The following ACSM3 variants were observed in gnomAD, a reference collection of about 807,000 sequenced individuals.
ACSM3 encodes acyl-CoA synthetase medium chain family member 3, also known as acyl-coenzyme A synthetase ACSM3, mitochondrial.
ACSM3 carries 61 observed loss-of-function variants against 74.1 expected under a neutral mutation model. The observed-to-expected ratio is 0.82, with a 90% CI of 0.67 to 1.02. ACSM3 has a LOEUF of 1.02. ACSM3 is among the 50% of genes least tolerant of loss of function. The pLI is 0.00. For missense variants in ACSM3, 660 were observed against 697.0 expected, an observed-to-expected ratio of 0.95 and a Z score of 0.60; for synonymous variants, 213 against 241.5, an observed-to-expected ratio of 0.88 and a Z score of 1.09.
In ACSM3 at chr16:20,690,951, T is replaced by C. The variant is rs555306184; in HGVS notation, c.-190+16129T>C. The C allele has an allele frequency of 3.4e-5, 53 of 1,567,530 alleles. 1 individual carries two copies. The highest frequency in any genetic ancestry group is 1.7e-4 in the Middle Eastern group (1 of 5,936). The stretch of plus-strand genomic sequence containing the variant: ...CCTAGTAGGAGCAAGATAAGGAAAG[T>C]GAGGCCACCCTTGTTCTTATATCGC... On this transcript the variant is annotated intron_variant, in intron 1 of 3. Transcript: ENST00000561584.
chr16:20,742,274 AC>A (rs1428112549), intron 1 of ACSM3, among the ~76,000 whole-genome samples: 1 of 152,080 alleles, frequency 6.6e-6, no homozygotes, highest in Non-Finnish European at 1.5e-5. Context: ...ACAGACAATC[AC>A]AGAAACAAGT....
chr16:20,733,881 T>A (rs910763060), intron 1 of ACSM3: 10 of 152,240 alleles, frequency 6.6e-5, no homozygotes, highest in East Asian at 1.9e-4. Context: ...GCAGTTTTTT[T>A]ATTTTTTTAA....
intron 1 of ACSM3, among the ~76,000 whole-genome samples, chr16:20,730,949 C>T (rs749126839): frequency 1.6e-4 from 24 of 152,170 alleles, no homozygotes; most frequent in Non-Finnish European, 3.2e-4. Context: ...CAACCTCAAA[C>T]TGCTGGGTTC....
chr16:20,764,901 T>C (rs1403949226), intron 1 of ACSM3, among the ~76,000 whole-genome samples: 1 of 152,116 alleles, frequency 6.6e-6, no homozygotes, highest in Non-Finnish European at 1.5e-5. Context: ...CTCCTTTAGG[T>C]GGTCAAGGGC....
At chr16:20,759,335 A>G (rs2080057316), upstream of ACSM3, among the ~76,000 whole-genome samples, 1 of 152,154 alleles carries the variant, frequency 6.6e-6, no homozygotes, top group African/African-American at 2.4e-5. Context: ...AGGTGGGCGG[A>G]TCATGAGGTC....
At chr16:20,684,400 A>G (rs1477830382) in intron 1 of ACSM3, among the ~76,000 whole-genome samples, 1 of 152,230 alleles carries the variant, frequency 6.6e-6, no homozygotes, top group Non-Finnish European at 1.5e-5. Context: ...TGTGAAAACC[A>G]CCTTGCTTAA....
chr16:20,723,770 C>T (rs1199053953), intron 1 of ACSM3, among the ~76,000 whole-genome samples: 1 of 152,104 alleles, frequency 6.6e-6, no homozygotes, highest in East Asian at 1.9e-4. Flanking sequence ...ACTGTAGATT[C>T]TGGATATTAG....
chr16:20,776,314 T>C (rs1289059183), intron 3 of ACSM3, among the ~76,000 whole-genome samples: 1 of 152,224 alleles, frequency 6.6e-6, no homozygotes. Flanking sequence ...GAACCTGTGT[T>C]CTGGTCCTGG....
rs1443432343 is a variant in ACSM3 at position 20,785,019 on chromosome 16, C to T, written c.1055C>T (p.Ala352Val). 1.2e-6 allele frequency: 2 copies of T among 1,613,714 alleles called. No individual in the cohort carries two copies. The highest frequency in any genetic ancestry group is 3.3e-5 in the Admixed American group (2 of 60,004). The change falls in exon 8 of 14, where the codon GCT becomes GTT. Residue 352 changes from alanine to valine, a missense_variant. Ala to Val is a moderately conservative substitution (Grantham distance 64). Transcript: ENST00000289416. Reference protein sequence around the residue: ...KFKSLKHCVSAGEPITPDVTE... With the variant: ...KFKSLKHCVSVGEPITPDVTE... The stretch of plus-strand genomic sequence containing the variant: ...AAAAGCTTAAAGCACTGTGTGAGTG[C>T]TGGGGAACCAATTACCCCTGACGTG...
intron 2 of ACSM3, chr16:20,755,448 A>G (rs2080021566): frequency 6.6e-6 from 1 of 152,100 alleles, no homozygotes; most frequent in African/African-American, 2.4e-5. Flanking sequence ...ATATATCAGC[A>G]AAAAATAGAA....
intron 7 of ACSM3, among the ~76,000 whole-genome samples, chr16:20,784,056 T>C (rs1214904788): frequency 6.6e-6 from 1 of 152,180 alleles, no homozygotes; most frequent in Non-Finnish European, 1.5e-5. Flanking sequence ...TCCGCCCACC[T>C]CTAACTCCCA....
chr16:20,745,840 GAGATGCTCTT>G (rs1162068030), intron 1 of ACSM3, among the ~76,000 whole-genome samples: 1 of 152,140 alleles, frequency 6.6e-6, no homozygotes, highest in Non-Finnish European at 1.5e-5. Flanking sequence ...ACCCAGGTAG[GAGATGCTCTT>G]AGACACTCCT....
chr16:20,681,811 G>C (rs973655745), intron 1 of ACSM3: 1 of 156,008 alleles, frequency 6.4e-6, no homozygotes, highest in African/African-American at 2.4e-5. Context: ...GGAAGAGAAA[G>C]AGGTGGAGTC....
At chr16:20,738,261 G>A (rs2079887979) in intron 1 of ACSM3, 1 of 465,822 alleles carries the variant, frequency 2.1e-6, no homozygotes, top group East Asian at 6.5e-5. Flanking sequence ...ACACCATGCT[G>A]TTGTTTTCCT....
chr16:20,701,715 C>A (rs2079713344), intron 1 of ACSM3, among the ~76,000 whole-genome samples: 1 of 152,074 alleles, frequency 6.6e-6, no homozygotes, highest in Non-Finnish European at 1.5e-5. Flanking sequence ...TTGACAGGCA[C>A]TGGTGTGTGA....
At chr16:20,691,080 C>A in intron 1 of ACSM3, 1 of 1,613,498 alleles carries the variant, frequency 6.2e-7, no homozygotes. Flanking sequence ...CATCTTGGGG[C>A]TCCAAATTCT....
In ACSM3 at chr16:20,796,188, C is replaced by G. The variant is rs920051971; in HGVS notation, c.1555-182C>G. 105 of 1,052,110 alleles carry G rather than the reference C, an allele frequency of 1.0e-4. No individual in the cohort carries two copies. The South Asian group carries it at 1.6e-3, about 16-fold the overall frequency. The allele number at this position is 1,052,110 out of a possible 1,614,324, so 65.2% of individuals were successfully genotyped here. A position where few individuals can be genotyped will look rare whatever the true frequency, so the allele number is the denominator to read the frequency against. On this transcript the variant is annotated intron_variant, in intron 12 of 13. Transcript: ENST00000289416. ...GGTTGTTACAGGGGTCCCAGAAGCT[C>G]TCCTGTATTAGGTACAGACCAGGAA...
chr16:20,762,630 G>A (rs548833519), upstream of ACSM3, among the ~76,000 whole-genome samples: 2 of 152,262 alleles, frequency 1.3e-5, no homozygotes, highest in Middle Eastern at 6.8e-3. Context: ...GAAGATCAGT[G>A]TAATCTATCT....
intron 9 of ACSM3, chr16:20,786,386 C>T (rs752991220): frequency 1.8e-4 from 157 of 885,494 alleles, no homozygotes; most frequent in Non-Finnish European, 2.1e-4. Flanking sequence ...ATTTAATAAA[C>T]GTTAACCCAT....
Sources: allele counts gnomAD v4.1 joint callset (sites outside exome capture counted in the v4.1 genomes callset), GRCh38; gene constraint gnomAD v4.1.1; transcripts MANE v1.5; gene names NCBI Gene and HGNC (gene_info 2026-07-23, HGNC 2026-07-21).